NRXN3: variants seen among roughly 807,000 people sequenced by gnomAD.
NRXN3 encodes the protein neurexin 3.
In NRXN3, 32 loss-of-function variants were observed where a neutral mutation model predicts 137.6. That is an observed-to-expected ratio of 0.23 (90% CI 0.18 to 0.31). The LOEUF is 0.31. Ranked by LOEUF, NRXN3 falls within the 10% of genes least tolerant of loss-of-function variation. The probability of loss-of-function intolerance (pLI) is 1.00; values close to 1 mark genes in which losing one functional copy is unlikely to be tolerated. For synonymous variants in NRXN3, 798 were observed against 784.5 expected (o/e 1.02, Z -0.29); for missense variants, 1,574 against 2,062.5 (o/e 0.76, Z 4.59).
chr14:79,055,081 G>T (rs1362766508), intron 15 of NRXN3, among the ~76,000 whole-genome samples: 1 of 152,096 alleles, frequency 6.6e-6, no homozygotes, highest in Non-Finnish European at 1.5e-5. Flanking sequence ...GGCTTACTCT[G>T]GGCTCCTTCT....
At chr14:79,583,747 G>A (rs1438698028) in intron 16 of NRXN3, among the ~76,000 whole-genome samples, 3 of 152,182 alleles carry the variant, frequency 2.0e-5, no homozygotes, top group Non-Finnish European at 2.9e-5. Context: ...TGCTATATGA[G>A]AGGATTAAGC....
chr14:79,486,660 T>C (rs1217044149), intron 16 of NRXN3, among the ~76,000 whole-genome samples: 2 of 152,172 alleles, frequency 1.3e-5, no homozygotes, highest in Admixed American at 6.5e-5. Context: ...CTACCTATGG[T>C]TACAGAGTTG....
intron 10 of NRXN3, among the ~76,000 whole-genome samples, chr14:78,847,869 GA>G (rs930780649): frequency 6.6e-6 from 1 of 152,092 alleles, no homozygotes; most frequent in African/African-American, 2.4e-5. Flanking sequence ...TTCAAAGAAA[GA>G]AAGGTCACTC....
intron 15 of NRXN3, among the ~76,000 whole-genome samples, chr14:79,343,720 C>A (rs987444628): frequency 6.6e-6 from 1 of 152,144 alleles, no homozygotes; most frequent in South Asian, 2.1e-4. Flanking sequence ...TACTTTCAAT[C>A]TCAGGAAAAT....
At chr14:78,574,780 C>A (rs2096921021) in intron 4 of NRXN3, among the ~76,000 whole-genome samples, 1 of 152,146 alleles carries the variant, frequency 6.6e-6, no homozygotes, top group African/African-American at 2.4e-5. Flanking sequence ...TGAGTTAAGA[C>A]TTTGGAGGAC....
At chr14:79,144,760 G>C (rs2059137833) in intron 15 of NRXN3, among the ~76,000 whole-genome samples, 1 of 152,048 alleles carries the variant, frequency 6.6e-6, no homozygotes, top group Non-Finnish European at 1.5e-5. Context: ...CTTCTTGGTT[G>C]TTTATTCTCT....
At chr14:79,345,194 T>G (rs2092806430) in intron 15 of NRXN3, among the ~76,000 whole-genome samples, 1 of 152,174 alleles carries the variant, frequency 6.6e-6, no homozygotes, top group Non-Finnish European at 1.5e-5. Context: ...ACTGAGCATT[T>G]AAAGCAAACT....
chr14:79,436,363 C>G (rs540893823), intron 15 of NRXN3, among the ~76,000 whole-genome samples: 1 of 152,112 alleles, frequency 6.6e-6, no homozygotes, highest in African/African-American at 2.4e-5. Flanking sequence ...TTGAATGCAC[C>G]CAGTCTCATT....
At chr14:79,585,302 A>C (rs574500713) in intron 16 of NRXN3, among the ~76,000 whole-genome samples, 1 of 152,322 alleles carries the variant, frequency 6.6e-6, no homozygotes, top group African/African-American at 2.4e-5. Flanking sequence ...TGAGGGAGTA[A>C]TCATGCCCAA....
rs546259838 is a variant in NRXN3, at chr14:79,349,535, GAA to G, written c.3263-117678_3263-117677del. Among the ~76,000 whole-genome samples the G allele has an allele frequency of 5.5e-4, 71 of 129,468 alleles. No individual in the cohort carries two copies. In the Middle Eastern group the frequency reaches 0.017, roughly 31 times the overall value. The allele number at this position is 129,468 out of a possible 152,430, so 84.9% of individuals were successfully genotyped here. ...TGTATCTCACCTCCGTCCTCCCCGG[GAA>G]AAAAAAATACACACACACACACACA... On this transcript the variant is annotated intron_variant, in intron 15 of 20. Transcript: ENST00000335750.
intron 4 of NRXN3, among the ~76,000 whole-genome samples, chr14:78,381,498 C>T (rs2089104925): frequency 6.6e-6 from 1 of 152,200 alleles, no homozygotes; most frequent in Non-Finnish European, 1.5e-5. Context: ...TGGTAAACCA[C>T]TCTGGAAGAG....
At chr14:78,405,626 G>A (rs1051118773) in intron 4 of NRXN3, among the ~76,000 whole-genome samples, 10 of 147,280 alleles carry the variant, frequency 6.8e-5, no homozygotes, top group Admixed American at 2.0e-4. Flanking sequence ...GGGGGTTCCG[G>A]GTATCTGATG....
intron 4 of NRXN3, among the ~76,000 whole-genome samples, chr14:78,608,803 G>A (rs1200612340): frequency 6.6e-6 from 1 of 152,184 alleles, no homozygotes; most frequent in Non-Finnish European, 1.5e-5. Flanking sequence ...TACCCCTGGG[G>A]CAGAGGACAC....
chr14:79,402,977 T>C (rs903656161), intron 15 of NRXN3, among the ~76,000 whole-genome samples: 7 of 152,226 alleles, frequency 4.6e-5, no homozygotes, highest in Non-Finnish European at 1.0e-4. Context: ...AGTGTGTTTT[T>C]AGCACCTATA....
intron 4 of NRXN3, among the ~76,000 whole-genome samples, chr14:78,363,048 T>C (rs1355073039): frequency 6.6e-6 from 1 of 152,206 alleles, no homozygotes; most frequent in East Asian, 1.9e-4. Context: ...AGGCCTCCTG[T>C]CTTCCTCTTT....
chr14:78,706,132 T>A (rs2152820008), intron 6 of NRXN3, among the ~76,000 whole-genome samples: 1 of 152,318 alleles, frequency 6.6e-6, no homozygotes, highest in Non-Finnish European at 1.5e-5. Flanking sequence ...CCTCCTTCTG[T>A]CCCTTTGGGA....
intron 15 of NRXN3, among the ~76,000 whole-genome samples, chr14:79,147,805 C>A: frequency 6.6e-6 from 1 of 152,076 alleles, no homozygotes. Context: ...CTATAAGAAT[C>A]GAAGTCCTTT....
intron 15 of NRXN3, among the ~76,000 whole-genome samples, chr14:79,132,025 C>T (rs1269856432): frequency 6.9e-6 from 1 of 144,822 alleles, no homozygotes. Context: ...CAATGCCTCG[C>T]CCTGCTTCAG....
chr14:79,243,050 A>G (rs889514697), intron 15 of NRXN3, among the ~76,000 whole-genome samples: 1 of 152,180 alleles, frequency 6.6e-6, no homozygotes, highest in East Asian at 1.9e-4. Flanking sequence ...TTCCACCTAG[A>G]AGTTTAAGCA....
Sources: gnomAD v4.1 joint callset for allele counts (sites outside exome capture counted in the v4.1 genomes callset) on GRCh38, gnomAD v4.1.1 for gene constraint, MANE v1.5 for transcripts, NCBI Gene and HGNC (gene_info 2026-07-23, HGNC 2026-07-21) for gene names.